Variants in RORA observed in about 807,000 individuals in gnomAD.
The protein encoded by RORA is RAR related orphan receptor A, also known as nuclear receptor ROR-alpha.
In RORA, 7 loss-of-function variants were observed where a neutral mutation model predicts 69.5. That is an observed-to-expected ratio of 0.10 (90% CI 0.06 to 0.19). The LOEUF is 0.19. RORA is among the 10% of genes least tolerant of loss of function. RORA has a pLI of 1.00. For synonymous variants in RORA, 261 were observed against 240.8 expected (o/e 1.08, Z -0.78); for missense variants, 457 against 663.0 (o/e 0.69, Z 3.41).
At chr15:60,948,438 A>G (rs904963738) in intron 1 of RORA, among the ~76,000 whole-genome samples, 1 of 152,192 alleles carries the variant, frequency 6.6e-6, no homozygotes, top group Non-Finnish European at 1.5e-5. Context: ...AATACTCTCC[A>G]TGGTTCATTT....
chr15:61,142,448 A>T (rs1427011551), intron 1 of RORA, among the ~76,000 whole-genome samples: 1 of 152,264 alleles, frequency 6.6e-6, no homozygotes, highest in African/African-American at 2.4e-5. Context: ...AAGCTGCTTC[A>T]TGCTGGTTCC....
intron 1 of RORA, among the ~76,000 whole-genome samples, chr15:61,214,996 C>G (rs1254580768): frequency 1.4e-5 from 2 of 147,366 alleles, no homozygotes; most frequent in African/African-American, 5.0e-5. Context: ...TCCCGAGTAG[C>G]TGGGACTACA....
intron 1 of RORA, among the ~76,000 whole-genome samples, chr15:61,083,131 C>T (rs980231281): frequency 5.3e-5 from 8 of 152,186 alleles, no homozygotes; most frequent in African/African-American, 9.7e-5. Context: ...ACAAGGGCTG[C>T]GCCTGACTGT....
chr15:60,884,445 G>A (rs1431189676), intron 1 of RORA, among the ~76,000 whole-genome samples: 1 of 152,022 alleles, frequency 6.6e-6, no homozygotes, highest in Non-Finnish European at 1.5e-5. Context: ...AAAAATGCCT[G>A]GTGATTTTAT....
At chr15:60,761,409 A>AG (rs1317273854) in intron 1 of RORA, among the ~76,000 whole-genome samples, 1 of 152,200 alleles carries the variant, frequency 6.6e-6, no homozygotes, top group East Asian at 1.9e-4. Flanking sequence ...GTAGTGCCTT[A>AG]GGGGCAGCAT....
intron 2 of RORA, chr15:60,592,501 G>C (rs2068559941): frequency 5.3e-6 from 7 of 1,322,000 alleles, no homozygotes; most frequent in Non-Finnish European, 5.8e-6. Context: ...GCCGCCGCCC[G>C]AGCCACAGCA....
intron 1 of RORA, among the ~76,000 whole-genome samples, chr15:60,746,953 A>G (rs1203687396): frequency 6.6e-6 from 1 of 152,186 alleles, no homozygotes; most frequent in Non-Finnish European, 1.5e-5. Flanking sequence ...AGTGAGTAGA[A>G]ACTCACCGAT....
chr15:60,952,247 A>T (rs1320893063), intron 1 of RORA, among the ~76,000 whole-genome samples: 1 of 152,140 alleles, frequency 6.6e-6, no homozygotes, highest in Non-Finnish European at 1.5e-5. Context: ...ACAACGCTTC[A>T]GGCTAAAAAC....
rs374642001 is a variant in RORA at position 60,707,949 on chromosome 15, T to G, written c.167-29263A>C. Among the ~76,000 whole-genome samples the G allele has an allele frequency of 8.5e-5, 13 of 152,332 alleles. No homozygotes were observed. The East Asian group carries it at 1.4e-3, about 16-fold the overall frequency. ...GTTCCTCTCAGCCACCCTGTAGGAT[T>G]TGTATAGAACACATTGTATACATAC... On this transcript the variant is annotated intron_variant, in intron 1 of 10. Coordinates refer to ENST00000335670, the MANE Select transcript of RORA (RefSeq NM_134261.3).
chr15:60,833,468 G>A (rs1311319432), intron 1 of RORA, among the ~76,000 whole-genome samples: 1 of 152,008 alleles, frequency 6.6e-6, no homozygotes, highest in Non-Finnish European at 1.5e-5. Context: ...CACCTGCCTC[G>A]GCCTCCCAAA....
intron 1 of RORA, among the ~76,000 whole-genome samples, chr15:60,762,380 G>A (rs951127086): frequency 1.3e-5 from 2 of 152,156 alleles, no homozygotes; most frequent in African/African-American, 4.8e-5. Context: ...CGAAGGTTAT[G>A]GTATCAGATG....
At chr15:60,946,788 C>A (rs1430869305) in intron 1 of RORA, among the ~76,000 whole-genome samples, 1 of 151,498 alleles carries the variant, frequency 6.6e-6, no homozygotes. Flanking sequence ...GTGAGGAGCA[C>A]CTCTTCCCGG....
intron 1 of RORA, among the ~76,000 whole-genome samples, chr15:60,924,044 C>T (rs1474566824): frequency 1.3e-5 from 2 of 152,170 alleles, no homozygotes; most frequent in African/African-American, 4.8e-5. Context: ...AGGGCCAGCC[C>T]ACTGAAAACT....
rs539173388 is a variant in RORA at position 60,496,317 on chromosome 15, A to G, written c.*1138T>C. On this transcript the variant is annotated 3_prime_UTR_variant, in exon 11 of 11. Transcript: ENST00000335670. This position sits in a 1 kb window ranked among gnomAD's most constrained non-coding sequence, Gnocchi z 4.5. ...TTCTTATAATAAAAGCTAGATTCCA[A>G]TAAATATTCTGGTTGTTGATTTGTT... is the stretch of plus-strand genomic sequence containing the variant. 1.3e-5 allele frequency: 2 copies of G among 152,194 alleles called. No homozygotes were observed. The highest frequency in any genetic ancestry group is 2.9e-5 in the Non-Finnish European group (2 of 68,030). 9.4% of individuals were successfully genotyped at this position (152,194 alleles called of 1,614,324 possible).
chr15:60,526,759 C>T (rs2066370667), intron 3 of RORA, among the ~76,000 whole-genome samples: 1 of 152,114 alleles, frequency 6.6e-6, no homozygotes, highest in South Asian at 2.1e-4. Flanking sequence ...GAAAAGTGGA[C>T]AGAATTAGTT....
chr15:61,104,116 AACTCACCTGT>A (rs1181181591), intron 1 of RORA, among the ~76,000 whole-genome samples: 1 of 152,172 alleles, frequency 6.6e-6, no homozygotes, highest in South Asian at 2.1e-4. Context: ...CCTTCCACCC[AACTCACCTGT>A]CATCTTCCTG....
At chr15:60,646,021 G>A (rs937728402) in intron 2 of RORA, among the ~76,000 whole-genome samples, 1 of 152,160 alleles carries the variant, frequency 6.6e-6, no homozygotes, top group Non-Finnish European at 1.5e-5. Flanking sequence ...TGCTCTGAAA[G>A]CTAGGAATTC....
chr15:61,132,776 C>T (rs2079202616), intron 1 of RORA, among the ~76,000 whole-genome samples: 1 of 152,200 alleles, frequency 6.6e-6, no homozygotes, highest in Admixed American at 6.5e-5. Context: ...TTAAACTATA[C>T]TGCTGGCAGG....
At chr15:60,535,371 C>A (rs1448412311) in intron 2 of RORA, among the ~76,000 whole-genome samples, 2 of 152,254 alleles carry the variant, frequency 1.3e-5, no homozygotes, top group Non-Finnish European at 2.9e-5. Flanking sequence ...AGCCCTATTG[C>A]CTAAATAATT....
Sources: allele counts gnomAD v4.1 joint callset (sites outside exome capture counted in the v4.1 genomes callset), GRCh38; gene constraint gnomAD v4.1.1; non-coding constraint Gnocchi (gnomAD v3.1); transcripts MANE v1.5; gene names NCBI Gene and HGNC (gene_info 2026-07-23, HGNC 2026-07-21).